The following PARD3B variants were observed in gnomAD, a reference collection of about 807,000 sequenced individuals.
The protein encoded by PARD3B is par-3 family cell polarity regulator beta.
A neutral mutation model predicts 130.2 loss-of-function variants in PARD3B; 103 were observed. The observed-to-expected ratio is 0.79, with a 90% CI of 0.67 to 0.93. PARD3B has a LOEUF of 0.93. Ranked by LOEUF, PARD3B falls within the 40% of genes least tolerant of loss-of-function variation. The pLI is 0.00. For missense variants in PARD3B, 1,609 were observed against 1,499.2 expected, an observed-to-expected ratio of 1.07 and a Z score of -1.21; for synonymous variants, 583 against 553.2, an observed-to-expected ratio of 1.05 and a Z score of -0.76.
At chr2:205,510,615 A>AATC (rs768846089) in intron 21 of PARD3B, among the ~76,000 whole-genome samples, 3 of 152,166 alleles carry the variant, frequency 2.0e-5, no homozygotes, top group Non-Finnish European at 4.4e-5. Context: ...GGGCACACCT[A>AATC]ATCTCTTTAA....
chr2:205,087,398 G>A (rs771139452), intron 4 of PARD3B, among the ~76,000 whole-genome samples: 1 of 152,022 alleles, frequency 6.6e-6, no homozygotes, highest in African/African-American at 2.4e-5. Flanking sequence ...GTGGTCCTTA[G>A]GCTTAAGTGG....
At chr2:204,693,617 T>C (rs1559065246) in intron 2 of PARD3B, among the ~76,000 whole-genome samples, 2 of 152,082 alleles carry the variant, frequency 1.3e-5, no homozygotes. Context: ...AAAGTATTGC[T>C]TAAATCATAT....
At chr2:205,186,210 A>C (rs56661140) in intron 14 of PARD3B, among the ~76,000 whole-genome samples, 6,734 of 151,850 alleles carry the variant, frequency 0.044, 455 homozygotes, top group African/African-American at 0.15. Flanking sequence ...TAGGAAGCTT[A>C]TGGGTTTTTA....
At chr2:205,383,088 A>ATAGATAGG (rs1553500232) in intron 18 of PARD3B, among the ~76,000 whole-genome samples, 1 of 78,896 alleles carries the variant, frequency 1.3e-5, no homozygotes, top group African/African-American at 8.6e-5. Flanking sequence ...GTTTACATAG[A>ATAGATAGG]TAGATAGATA....
At chr2:205,136,653 GA>G (rs1468156409) in intron 10 of PARD3B, among the ~76,000 whole-genome samples, 1 of 152,094 alleles carries the variant, frequency 6.6e-6, no homozygotes, top group Non-Finnish European at 1.5e-5. Flanking sequence ...CCCACTGGAG[GA>G]GAAAAACAAA....
chr2:205,275,687 A>C (rs1245232190), intron 16 of PARD3B, among the ~76,000 whole-genome samples: 1 of 151,882 alleles, frequency 6.6e-6, no homozygotes, highest in Non-Finnish European at 1.5e-5. Context: ...AATACAAAAA[A>C]TTAGCCGGGC....
intron 2 of PARD3B, among the ~76,000 whole-genome samples, chr2:204,696,400 A>C (rs77052492): frequency 0.076 from 11,571 of 152,090 alleles, 600 homozygotes; most frequent in Non-Finnish European, 0.12. Context: ...TGAGCAATTT[A>C]ATGGGAGTAA....
rs983541056 is a variant in PARD3B, at chr2:205,015,561, A to G, written c.395-32020A>G. ...TCACAACAAACAGGTATTGGATGAT[A>G]GTTGGGGAATTGAGTGAGTGAACTA... On this transcript the variant is annotated intron_variant, in intron 3 of 22. Coordinates refer to ENST00000406610, the MANE Select transcript of PARD3B (RefSeq NM_001302769.2). The surrounding 1 kb of genome is among the most constrained non-coding windows in gnomAD (Gnocchi z 4.5). Among the ~76,000 whole-genome samples the G allele has an allele frequency of 6.6e-6, 1 of 152,214 alleles. No individual in the cohort carries two copies. Among genetic ancestry groups the G allele is most frequent in the Non-Finnish European group, 1.5e-5 (1 of 68,046 alleles).
At chr2:205,252,390 T>A (rs565783696) in intron 16 of PARD3B, among the ~76,000 whole-genome samples, 42 of 152,250 alleles carry the variant, frequency 2.8e-4, no homozygotes, top group African/African-American at 9.6e-4. Context: ...AAATGCCTAA[T>A]TCAGTATTTG....
chr2:205,090,275 C>G (rs1702025360), intron 4 of PARD3B, among the ~76,000 whole-genome samples: 1 of 152,054 alleles, frequency 6.6e-6, no homozygotes, highest in South Asian at 2.1e-4. Flanking sequence ...TTGTTCATAC[C>G]AAGGGAAGGT....
At chr2:204,836,352 A>G (rs543754601) in intron 2 of PARD3B, among the ~76,000 whole-genome samples, 16 of 152,348 alleles carry the variant, frequency 1.1e-4, no homozygotes, top group Admixed American at 6.5e-5. Context: ...TAAAATGATT[A>G]TATGGATTTC....
At chr2:205,062,249 G>T (rs556491169) in intron 4 of PARD3B, among the ~76,000 whole-genome samples, 1 of 152,054 alleles carries the variant, frequency 6.6e-6, no homozygotes, top group East Asian at 1.9e-4. Context: ...ATGATAATAC[G>T]TTCGTTGAGG....
chr2:205,268,053 C>T lies in PARD3B; in HGVS notation c.2185+22231C>T, dbSNP rs1413722399. Among the ~76,000 whole-genome samples the T allele has an allele frequency of 6.6e-6, 1 of 152,180 alleles. No homozygotes were observed. Among genetic ancestry groups the T allele is most frequent in the Non-Finnish European group, 1.5e-5 (1 of 68,026 alleles). On this transcript the variant is annotated intron_variant, in intron 16 of 22. Transcript: ENST00000406610. The surrounding 1 kb of genome is among the most constrained non-coding windows in gnomAD (Gnocchi z 4.1). The stretch of plus-strand genomic sequence containing the variant: ...TTCAGGCCTTCTCTCATCCCAGGAC[C>T]TTTAGCTAGTGAGCCCTAGTGAACA...
chr2:205,561,572 C>T (rs749843092), intron 22 of PARD3B, among the ~76,000 whole-genome samples: 15 of 152,160 alleles, frequency 9.9e-5, no homozygotes, highest in African/African-American at 2.2e-4. Flanking sequence ...TACTGCTCCC[C>T]GCAGTCATGC....
At chr2:204,735,212 C>T (rs943790965) in intron 2 of PARD3B, among the ~76,000 whole-genome samples, 2 of 152,020 alleles carry the variant, frequency 1.3e-5, no homozygotes, top group South Asian at 4.1e-4. Flanking sequence ...TAATACCCAT[C>T]ATTTCCATCA....
At chr2:204,735,974 T>C (rs949399397) in intron 2 of PARD3B, among the ~76,000 whole-genome samples, 1 of 152,168 alleles carries the variant, frequency 6.6e-6, no homozygotes, top group Non-Finnish European at 1.5e-5. Context: ...AGCTGAAATA[T>C]AAATATACCC....
chr2:205,104,295 T>G, intron 4 of PARD3B, 131 bp from the exon 5 acceptor site: 1 of 635,718 alleles, frequency 1.6e-6, no homozygotes, highest in Non-Finnish European at 2.8e-6. Flanking sequence ...TGCTTCCAGT[T>G]TTCAAAGAAA....
chr2:204,744,045 G>C (rs1481748490), intron 2 of PARD3B, among the ~76,000 whole-genome samples: 1 of 152,188 alleles, frequency 6.6e-6, no homozygotes, highest in Middle Eastern at 3.2e-3. Flanking sequence ...CAAGAAGCTA[G>C]ATCTGGCCCC....
intron 19 of PARD3B, among the ~76,000 whole-genome samples, chr2:205,438,635 T>C (rs981345315): frequency 6.6e-6 from 1 of 152,188 alleles, no homozygotes; most frequent in African/African-American, 2.4e-5. Flanking sequence ...GTTATCTTCT[T>C]TATCAAAAAT....
Sources: allele counts gnomAD v4.1 joint callset (sites outside exome capture counted in the v4.1 genomes callset), GRCh38; gene constraint gnomAD v4.1.1; non-coding constraint Gnocchi (gnomAD v3.1); transcripts MANE v1.5; gene names NCBI Gene and HGNC (gene_info 2026-07-23, HGNC 2026-07-21).